Variants in NXPH1 observed in about 807,000 individuals in gnomAD.
NXPH1 encodes the protein neurexophilin 1.
A neutral mutation model predicts 23.7 loss-of-function variants in NXPH1; 5 were observed. The ratio of observed to expected loss-of-function variants is 0.21; its 90% CI spans 0.11 to 0.44. The LOEUF is 0.44. NXPH1 is among the 20% of genes least tolerant of loss of function. The pLI is 0.99. For missense variants in NXPH1, 324 were observed against 321.6 expected, an observed-to-expected ratio of 1.01 and a Z score of -0.06; for synonymous variants, 144 against 122.2, an observed-to-expected ratio of 1.18 and a Z score of -1.18.
intron 2 of NXPH1, among the ~76,000 whole-genome samples, chr7:8,726,014 G>T (rs1780046748): frequency 6.6e-6 from 1 of 152,128 alleles, no homozygotes; most frequent in South Asian, 2.1e-4. Flanking sequence ...AAGGCTTCCA[G>T]GTGAAACTCT....
intron 2 of NXPH1, among the ~76,000 whole-genome samples, chr7:8,628,657 T>G (rs974010682): frequency 6.6e-6 from 1 of 152,104 alleles, no homozygotes; most frequent in African/African-American, 2.4e-5. Flanking sequence ...ATGCAGAGAT[T>G]ATCTTCAGGA....
chr7:8,463,272 C>A (rs139879208), intron 2 of NXPH1, among the ~76,000 whole-genome samples: 2 of 151,768 alleles, frequency 1.3e-5, no homozygotes, highest in African/African-American at 2.4e-5. Context: ...GGAGGTATTA[C>A]CAAATGGTAT....
chr7:8,567,323 C>A (rs369209514), intron 2 of NXPH1, among the ~76,000 whole-genome samples: 1 of 151,880 alleles, frequency 6.6e-6, no homozygotes, highest in African/African-American at 2.4e-5. Context: ...TTCATGTTTG[C>A]GCCTCTGGTC....
rs17152150 is a variant in NXPH1, at chr7:8,601,849, A to T, written c.55-149159A>T. 3.1e-3 allele frequency among the ~76,000 whole-genome samples: 469 copies of T among 152,330 alleles called. 3 individuals carry two copies. The highest frequency in any genetic ancestry group is 0.011 in the African/African-American group (444 of 41,584). On this transcript the variant is annotated intron_variant, in intron 2 of 2. Transcript: ENST00000405863. ...AGGACCAGACTGCAGGATATTCGGT[A>T]AAATGCCATCATTTGTTGGCTGCTG...
chr7:8,467,561 A>T (rs1816805211), intron 2 of NXPH1, among the ~76,000 whole-genome samples: 2 of 152,164 alleles, frequency 1.3e-5, no homozygotes, highest in South Asian at 4.1e-4. Context: ...GAGATAGTAG[A>T]TATATAAGTT....
chr7:8,639,116 AT>A (rs1280970139), intron 2 of NXPH1, among the ~76,000 whole-genome samples: 3 of 152,222 alleles, frequency 2.0e-5, no homozygotes, highest in Admixed American at 2.0e-4. Context: ...GCCAAATAAA[AT>A]TGATAACAGA....
intron 2 of NXPH1, among the ~76,000 whole-genome samples, chr7:8,672,883 T>G (rs1429854003): frequency 2.0e-5 from 3 of 152,174 alleles, no homozygotes; most frequent in Non-Finnish European, 4.4e-5. Context: ...TTCCCCTGTG[T>G]GCTGCTAAGG....
chr7:8,593,101 AT>A (rs1191728803), intron 2 of NXPH1, among the ~76,000 whole-genome samples: 1 of 151,516 alleles, frequency 6.6e-6, no homozygotes, highest in African/African-American at 2.4e-5. Context: ...TCCCAGAATG[AT>A]TTCTTAATAG....
At chr7:8,437,204 C>A (rs1160497710) in intron 2 of NXPH1, among the ~76,000 whole-genome samples, 2 of 152,176 alleles carry the variant, frequency 1.3e-5, no homozygotes, top group African/African-American at 4.8e-5. Context: ...TGCCTTTACC[C>A]GCTGGAACGC....
intron 2 of NXPH1, among the ~76,000 whole-genome samples, chr7:8,660,997 T>C (rs1445735466): frequency 6.6e-6 from 1 of 151,808 alleles, no homozygotes; most frequent in African/African-American, 2.4e-5. Context: ...CATTGCCTTA[T>C]ATGGAACGAT....
intron 2 of NXPH1, among the ~76,000 whole-genome samples, chr7:8,623,878 A>T (rs1269283488): frequency 6.6e-6 from 1 of 151,972 alleles, no homozygotes; most frequent in Non-Finnish European, 1.5e-5. Flanking sequence ...TAGTCACCCC[A>T]TCCCTATCTC....
intron 2 of NXPH1, among the ~76,000 whole-genome samples, chr7:8,528,895 C>T (rs1817907119): frequency 6.6e-6 from 1 of 152,182 alleles, no homozygotes; most frequent in African/African-American, 2.4e-5. Context: ...ATTTCAGTTT[C>T]TGTAGGTCAG....
chr7:8,717,751 T>A (rs1228345803), intron 2 of NXPH1, among the ~76,000 whole-genome samples: 1 of 152,184 alleles, frequency 6.6e-6, no homozygotes, highest in Non-Finnish European at 1.5e-5. Flanking sequence ...GAATATAGTT[T>A]AATAATGACA....
At chr7:8,600,727 T>C (rs1819339895) in intron 2 of NXPH1, among the ~76,000 whole-genome samples, 1 of 152,216 alleles carries the variant, frequency 6.6e-6, no homozygotes, top group Admixed American at 6.5e-5. Context: ...TTCACAAGAG[T>C]ATTTAAATTT....
intron 2 of NXPH1, among the ~76,000 whole-genome samples, chr7:8,580,956 G>C (rs1818856731): frequency 1.3e-5 from 2 of 151,940 alleles, no homozygotes; most frequent in Admixed American, 1.3e-4. Flanking sequence ...AATTCTTCTA[G>C]TCCTCTAGTG....
At chr7:8,609,317 A>C (rs994308532) in intron 2 of NXPH1, among the ~76,000 whole-genome samples, 1 of 152,188 alleles carries the variant, frequency 6.6e-6, no homozygotes, top group Non-Finnish European at 1.5e-5. Context: ...GGCAGGCACT[A>C]TACGTAAGGG....
chr7:8,672,706 G>A (rs1324049233), intron 2 of NXPH1, among the ~76,000 whole-genome samples: 3 of 152,144 alleles, frequency 2.0e-5, no homozygotes, highest in Non-Finnish European at 2.9e-5. Context: ...TCACAGAGGC[G>A]ACCTAAGTGG....
chr7:8,751,012 C>T lies in NXPH1; in HGVS notation c.59C>T (p.Thr20Ile), dbSNP rs181322268. 2 of 1,613,422 alleles carry T rather than the reference C, an allele frequency of 1.2e-6. No individual in the cohort carries two copies. Among genetic ancestry groups the T allele is most frequent in the East Asian group, 2.2e-5 (1 of 44,884 alleles). Residue 20 changes from threonine to isoleucine, a missense_variant, in exon 3 of 3, where the codon ACA becomes ATA. Thr to Ile is a moderately conservative substitution (Grantham distance 89). Transcript: ENST00000405863. The surrounding 1 kb of genome is among the most constrained non-coding windows in gnomAD (Gnocchi z 4.5). ...FLLQPTVYLV[T>I]CANLTNGGKS... ...ATTTTTCTCTTCTGTTTTCAGGTCA[C>T]ATGTGCCAATTTAACGAACGGTGGA...
At chr7:8,523,750 A>C (rs1817814674) in intron 2 of NXPH1, among the ~76,000 whole-genome samples, 1 of 152,156 alleles carries the variant, frequency 6.6e-6, no homozygotes, top group Non-Finnish European at 1.5e-5. Flanking sequence ...AGTTAAACCT[A>C]AATTTCTCTT....
Sources: gnomAD v4.1 joint callset for allele counts (sites outside exome capture counted in the v4.1 genomes callset) on GRCh38, gnomAD v4.1.1 for gene constraint, Gnocchi (gnomAD v3.1) non-coding constraint, MANE v1.5 for transcripts, NCBI Gene and HGNC (gene_info 2026-07-23, HGNC 2026-07-21) for gene names.